Variants in RSRC1 observed in about 807,000 individuals in gnomAD.
RSRC1 encodes the protein serine/Arginine-related protein 53.
RSRC1 carries 39 observed loss-of-function variants against 49.1 expected under a neutral mutation model. That is an observed-to-expected ratio of 0.79 (90% CI 0.61 to 1.04). The LOEUF is 1.04. Ranked by LOEUF, RSRC1 falls within the 50% of genes least tolerant of loss-of-function variation. The pLI is 0.00. For missense variants in RSRC1, 388 were observed against 402.4 expected (o/e 0.96, Z 0.31); for synonymous variants, 143 against 130.8 (o/e 1.09, Z -0.63).
intron 5 of RSRC1, among the ~76,000 whole-genome samples, chr3:158,319,900 T>C (rs1053451622): frequency 1.3e-5 from 2 of 152,196 alleles, no homozygotes; most frequent in African/African-American, 4.8e-5. Context: ...CATGTTAAAG[T>C]ACCTTTTATA....
At chr3:158,456,264 T>A (rs1737311405) in intron 6 of RSRC1, among the ~76,000 whole-genome samples, 1 of 151,474 alleles carries the variant, frequency 6.6e-6, no homozygotes, top group South Asian at 2.1e-4. Context: ...TTTGAGTCCT[T>A]GATTGAACCA....
intron 4 of RSRC1, among the ~76,000 whole-genome samples, chr3:158,227,324 G>C (rs944191595): frequency 1.3e-5 from 2 of 151,908 alleles, no homozygotes; most frequent in Non-Finnish European, 2.9e-5. Flanking sequence ...GATTAGACGA[G>C]TGGTTTTCAA....
intron 4 of RSRC1, among the ~76,000 whole-genome samples, chr3:158,292,278 T>C (rs965019980): frequency 6.6e-6 from 1 of 152,214 alleles, no homozygotes; most frequent in African/African-American, 2.4e-5. Context: ...TTTTGATTGA[T>C]AACCTAATAT....
chr3:158,263,383 C>A (rs1465096361), intron 4 of RSRC1, among the ~76,000 whole-genome samples: 13 of 152,162 alleles, frequency 8.5e-5, no homozygotes, highest in Non-Finnish European at 1.6e-4. Flanking sequence ...TCTACTTGGT[C>A]ATGATATATT....
rs540440062 is a variant in RSRC1 at position 158,466,287 on chromosome 3, T to C, written c.652+5284T>C. On this transcript the variant is annotated intron_variant, in intron 7 of 9. Coordinates refer to ENST00000611884, the MANE Select transcript of RSRC1 (RefSeq NM_001271838.2). ...TTGGAAGCCAATTTAGATCGCATTT[T>C]ACTTATTTTCAGTAAGATGTTTATG... Among the ~76,000 whole-genome samples, 90 of 152,348 alleles carry C rather than the reference T, an allele frequency of 5.9e-4. 1 individual carries two copies. The highest frequency in any genetic ancestry group is 9.8e-4 in the Admixed American group (15 of 15,298).
chr3:158,361,362 C>T (rs1731460321), intron 6 of RSRC1, among the ~76,000 whole-genome samples: 1 of 152,158 alleles, frequency 6.6e-6, no homozygotes, highest in African/African-American at 2.4e-5. Context: ...GCAAGAGCAG[C>T]GACATGGTGC....
intron 6 of RSRC1, among the ~76,000 whole-genome samples, chr3:158,360,358 G>A (rs574932736): frequency 6.6e-6 from 1 of 152,272 alleles, no homozygotes; most frequent in East Asian, 1.9e-4. Flanking sequence ...CCCAGAAAAG[G>A]CACCACAAGT....
chr3:158,438,800 A>G (rs1736197231), intron 6 of RSRC1, among the ~76,000 whole-genome samples: 1 of 152,220 alleles, frequency 6.6e-6, no homozygotes, highest in South Asian at 2.1e-4. Flanking sequence ...AATGGCAACA[A>G]AAGCCAGAAT....
chr3:158,146,880 T>G (rs1436271664), intron 3 of RSRC1, among the ~76,000 whole-genome samples: 1 of 152,126 alleles, frequency 6.6e-6, no homozygotes, highest in African/African-American at 2.4e-5. Flanking sequence ...GTCGAGGAAT[T>G]TATCCACAGA....
intron 6 of RSRC1, among the ~76,000 whole-genome samples, chr3:158,457,741 T>G (rs1285366234): frequency 5.8e-5 from 6 of 104,170 alleles, no homozygotes; most frequent in African/African-American, 1.7e-4. Context: ...TTTTTTTTTG[T>G]TTTTTTTTTT....
intron 6 of RSRC1, among the ~76,000 whole-genome samples, chr3:158,452,823 T>G (rs1327755039): frequency 6.6e-6 from 1 of 152,184 alleles, no homozygotes; most frequent in Non-Finnish European, 1.5e-5. Flanking sequence ...ATGTGTATTT[T>G]TAAATACAGG....
At chr3:158,345,971 C>T (rs190974052) in intron 5 of RSRC1, among the ~76,000 whole-genome samples, 258 of 151,392 alleles carry the variant, frequency 1.7e-3, no homozygotes, top group African/African-American at 5.9e-3. Flanking sequence ...TATATAGTAC[C>T]CAAATAAAAA....
intron 4 of RSRC1, among the ~76,000 whole-genome samples, chr3:158,215,173 T>G (rs1559946243): frequency 2.6e-5 from 4 of 151,894 alleles, no homozygotes; most frequent in Admixed American, 6.6e-5. Flanking sequence ...TGTATGATAT[T>G]AATATAGCTA....
intron 6 of RSRC1, among the ~76,000 whole-genome samples, chr3:158,405,629 T>G (rs1030970364): frequency 1.3e-5 from 2 of 152,132 alleles, no homozygotes; most frequent in East Asian, 3.8e-4. Flanking sequence ...AGTAGCAGAT[T>G]GAAGTGGTTT....
At chr3:158,190,108 A>G (rs1305777144) in intron 3 of RSRC1, among the ~76,000 whole-genome samples, 1 of 151,916 alleles carries the variant, frequency 6.6e-6, no homozygotes, top group Non-Finnish European at 1.5e-5. Context: ...TTTGCTGTGT[A>G]TCATGCAGTT....
At chr3:158,407,503 C>G (rs1734213375) in intron 6 of RSRC1, among the ~76,000 whole-genome samples, 4 of 152,102 alleles carry the variant, frequency 2.6e-5, no homozygotes, top group Admixed American at 2.6e-4. Flanking sequence ...ATAGAACCTA[C>G]CACTAAATAA....
At chr3:158,193,833 CAAGG>C (rs2108266574) in intron 3 of RSRC1, among the ~76,000 whole-genome samples, 1 of 152,072 alleles carries the variant, frequency 6.6e-6, no homozygotes, top group South Asian at 2.1e-4. Flanking sequence ...AAGGAATAGT[CAAGG>C]AAGCTTATAA....
chr3:158,264,496 A>G (rs991234686), intron 4 of RSRC1, among the ~76,000 whole-genome samples: 3 of 152,082 alleles, frequency 2.0e-5, no homozygotes, highest in African/African-American at 7.2e-5. Context: ...TCTTATGTGG[A>G]CTGTTCTCTA....
intron 6 of RSRC1, among the ~76,000 whole-genome samples, chr3:158,376,784 A>G (rs368293028): frequency 5.9e-5 from 9 of 152,128 alleles, no homozygotes; most frequent in African/African-American, 1.9e-4. Context: ...TTTAAATACA[A>G]TCAGCACCTA....
Sources: gnomAD v4.1 joint callset for allele counts (sites outside exome capture counted in the v4.1 genomes callset) on GRCh38, gnomAD v4.1.1 for gene constraint, MANE v1.5 for transcripts, NCBI Gene and HGNC (gene_info 2026-07-23, HGNC 2026-07-21) for gene names.